Variants in LRRC8D observed in about 807,000 individuals in gnomAD.
The protein encoded by LRRC8D is volume-regulated anion channel subunit LRRC8D.
Under a neutral mutation model 55.8 loss-of-function variants are expected in LRRC8D, and 20 were observed. The ratio of observed to expected loss-of-function variants is 0.36; its 90% CI spans 0.25 to 0.52. The LOEUF is 0.52. LRRC8D is among the 20% of genes least tolerant of loss of function. The pLI, the probability that LRRC8D is intolerant of heterozygous loss-of-function variation, is 0.93. For synonymous variants in LRRC8D, 352 were observed against 377.0 expected, an observed-to-expected ratio of 0.93 and a Z score of 0.77; for missense variants, 651 against 1,030.8, an observed-to-expected ratio of 0.63 and a Z score of 5.05.
At chr1:89,896,786 C>A (rs533301917) in intron 2 of LRRC8D, among the ~76,000 whole-genome samples, 2 of 152,078 alleles carry the variant, frequency 1.3e-5, no homozygotes, top group Non-Finnish European at 2.9e-5. Context: ...TGTCTCCTCT[C>A]TTTTCTTGTG....
At chr1:89,932,544 C>G (rs914919218) in intron 2 of LRRC8D, among the ~76,000 whole-genome samples, 2 of 152,188 alleles carry the variant, frequency 1.3e-5, no homozygotes, top group Non-Finnish European at 2.9e-5. Flanking sequence ...TTCCAACAAC[C>G]CTTAGAAGTT....
rs1663848609 is a variant in LRRC8D, at chr1:89,936,079, C to T, written c.*434C>T. The T allele has an allele frequency of 5.8e-6, 1 of 171,176 alleles. No homozygotes were observed. The highest frequency in any genetic ancestry group is 1.4e-5 in the Non-Finnish European group (1 of 70,896). The allele number at this position is 171,176 out of a possible 1,614,324, so 10.6% of individuals were successfully genotyped here. A position where few individuals can be genotyped will look rare whatever the true frequency, so the allele number is the denominator to read the frequency against. ...TTTAACTCCGTTCACTAAAGACAAA[C>T]ACATCAAGTCCAAACTTGTAAATTT... On this transcript the variant is annotated 3_prime_UTR_variant, in exon 3 of 3. Transcript: ENST00000337338.
chr1:89,871,523 T>G (rs1662006884), intron 2 of LRRC8D, among the ~76,000 whole-genome samples: 1 of 152,212 alleles, frequency 6.6e-6, no homozygotes, highest in African/African-American at 2.4e-5. Flanking sequence ...GAATATGAAG[T>G]TTATGATTCT....
chr1:89,851,870 T>C (rs1253624624), intron 2 of LRRC8D, among the ~76,000 whole-genome samples: 5 of 152,138 alleles, frequency 3.3e-5, no homozygotes, highest in Non-Finnish European at 7.4e-5. Context: ...CTTATTATTA[T>C]AAGTAAATTT....
At chr1:89,860,756 CAAAAAAAAAAAAAAA>C (rs1181859656) in intron 2 of LRRC8D, among the ~76,000 whole-genome samples, 2 of 18,846 alleles carry the variant, frequency 1.1e-4, no homozygotes. Context: ...GACTCTATCT[CAAAAAAAAAAAAAAA>C]AAAAAAAAAA....
At chr1:89,881,997 G>A (rs1662296984) in intron 2 of LRRC8D, among the ~76,000 whole-genome samples, 1 of 152,192 alleles carries the variant, frequency 6.6e-6, no homozygotes, top group Non-Finnish European at 1.5e-5. Flanking sequence ...TGCACTGGGA[G>A]GGGCTGGGAC....
chr1:89,843,711 C>T lies in LRRC8D; in HGVS notation c.-74C>T. On this transcript the variant is annotated 5_prime_UTR_variant, in exon 2 of 3. Transcript: ENST00000337338. ...GTGAAGTCTCCTGTCGCCGTGGTTCCAGCCTCCGGAGCTCGCCCAAGCCGC... is the reference window on the plus strand; with the variant it reads ...GTGAAGTCTCCTGTCGCCGTGGTTCTAGCCTCCGGAGCTCGCCCAAGCCGC... 1.4e-6 allele frequency: 1 copy of T among 702,068 alleles called. No homozygotes were observed. The highest frequency in any genetic ancestry group is 2.6e-6 in the Non-Finnish European group (1 of 384,660). The allele number at this position is 702,068 out of a possible 1,614,324, so 43.5% of individuals were successfully genotyped here.
intron 2 of LRRC8D, among the ~76,000 whole-genome samples, chr1:89,924,214 C>T (rs1663495886): frequency 1.3e-5 from 2 of 152,082 alleles, no homozygotes; most frequent in Non-Finnish European, 2.9e-5. Flanking sequence ...CTATAAGGAA[C>T]TTAAATCAGC....
intron 2 of LRRC8D, among the ~76,000 whole-genome samples, chr1:89,861,319 A>G (rs1661716573): frequency 6.6e-6 from 1 of 152,216 alleles, no homozygotes; most frequent in Non-Finnish European, 1.5e-5. Context: ...CAAAATGATA[A>G]GAGGATTATC....
intron 1 of LRRC8D, among the ~76,000 whole-genome samples, chr1:89,840,657 T>C (rs12028972): frequency 0.66 from 100,048 of 152,144 alleles, 35,634 homozygotes; most frequent in East Asian, 0.83. Context: ...TATCATTAAA[T>C]TATCACTCAG....
At position 89,935,160 on chromosome 1, in the gene LRRC8D, A is replaced by G. The variant is rs894231273; in HGVS notation, c.2092A>G (p.Ile698Val). ...LKLWHNKIVT[I>V]PPSITHVKNL... ...ATTATGGCATAACAAAATTGTTACT[A>G]TTCCTCCCTCTATTACCCATGTCAA... Residue 698 changes from isoleucine to valine, a missense_variant, in exon 3 of 3, where the codon ATT becomes GTT. This residue lies in a region of LRRC8D where 338 missense variants were observed against 479.4 expected (regional missense o/e 0.71). Coordinates refer to ENST00000337338, the MANE Select transcript of LRRC8D (RefSeq NM_001134479.2). 2.5e-6 allele frequency: 4 copies of G among 1,614,070 alleles called. No homozygotes were observed. In the African/African-American group the frequency reaches 4.0e-5, roughly 16 times the overall value.
intron 2 of LRRC8D, among the ~76,000 whole-genome samples, chr1:89,872,240 G>T (rs1434459503): frequency 6.6e-6 from 1 of 152,242 alleles, no homozygotes; most frequent in African/African-American, 2.4e-5. Flanking sequence ...GAGTTGCCCT[G>T]TGTGCATGAT....
chr1:89,821,332 G>C (rs1355220957), intron 1 of LRRC8D, 41 bp downstream of exon 1: 2 of 152,224 alleles, frequency 1.3e-5, no homozygotes, highest in East Asian at 3.9e-4. Context: ...GGGGCTGCGA[G>C]GGAAGGCGAC....
Position 89,934,664 on chromosome 1 carries a change from T to C in LRRC8D, c.1596T>C (p.Phe532=), listed in dbSNP as rs751457533. 4.3e-6 allele frequency: 7 copies of C among 1,614,108 alleles called. No individual in the cohort carries two copies. In the African/African-American group the frequency reaches 8.0e-5, roughly 18 times the overall value. ...CTGCAAAAGTTGAACAGACTGCTTT[T>C]AGCTTTCTTCGCGATCACTTGAGAT... ...HCPAKVEQTA[F]SFLRDHLRCL... is the part of the protein sequence containing the mutation. Residue 532 remains phenylalanine, a synonymous_variant, in exon 3 of 3, where the codon TTT becomes TTC. Transcript: ENST00000337338. This position sits in a 1 kb window ranked among gnomAD's most constrained non-coding sequence, Gnocchi z 5.9.
At chr1:89,907,526 G>C (rs1663028782) in intron 2 of LRRC8D, among the ~76,000 whole-genome samples, 1 of 152,096 alleles carries the variant, frequency 6.6e-6, no homozygotes. Flanking sequence ...CCTATGAGCA[G>C]ATGAGGAAGA....
chr1:89,830,898 AT>A (rs1447546262), intron 1 of LRRC8D, among the ~76,000 whole-genome samples: 2 of 150,850 alleles, frequency 1.3e-5, no homozygotes, highest in Non-Finnish European at 3.0e-5. Flanking sequence ...AAAAAGCACA[AT>A]ACACTTTTTT....
chr1:89,838,467 C>T (rs1428158993), intron 1 of LRRC8D, among the ~76,000 whole-genome samples: 1 of 152,164 alleles, frequency 6.6e-6, no homozygotes, highest in Admixed American at 6.5e-5. Flanking sequence ...GATTAACAGA[C>T]AAAACATGCT....
Position 89,842,598 on chromosome 1 carries a change from G to A in LRRC8D, c.-147-1040G>A, listed in dbSNP as rs1320594041. ...TGCCAACAGCTTGATAATAAAAGGA[G>A]CCGTTTGTCAAGAGACAGTCCTGTA... On this transcript the variant is annotated intron_variant, in intron 1 of 2. Transcript: ENST00000337338. 3.3e-5 allele frequency among the ~76,000 whole-genome samples: 5 copies of A among 152,302 alleles called. No individual in the cohort carries two copies. The East Asian group carries it at 7.7e-4, about 23-fold the overall frequency.
At chr1:89,856,323 A>ATC (rs201416981) in intron 2 of LRRC8D, among the ~76,000 whole-genome samples, 3 of 151,878 alleles carry the variant, frequency 2.0e-5, no homozygotes, top group Admixed American at 6.6e-5. Flanking sequence ...TGCTACAGTA[A>ATC]TCTCTCTCTC....
Sources: gnomAD v4.1 joint callset for allele counts (sites outside exome capture counted in the v4.1 genomes callset) on GRCh38, gnomAD v4.1.1 for gene constraint, gnomAD v4.1.1 regional missense constraint, Gnocchi (gnomAD v3.1) non-coding constraint, MANE v1.5 for transcripts, NCBI Gene and HGNC (gene_info 2026-07-23, HGNC 2026-07-21) for gene names.